The following CSTF2 variants were observed in gnomAD, a reference collection of about 807,000 sequenced individuals.
CSTF2 encodes cleavage stimulation factor subunit 2.
In CSTF2, 8 loss-of-function variants were observed where a neutral mutation model predicts 45.4. That is an observed-to-expected ratio of 0.18 (90% CI 0.10 to 0.32). The LOEUF (loss-of-function observed/expected upper bound fraction) is 0.32, where lower values mean the gene tolerates loss of function less well. Ranked by LOEUF, CSTF2 falls within the 10% of genes least tolerant of loss-of-function variation. The pLI is 1.00. For synonymous variants in CSTF2, 155 were observed against 158.9 expected (o/e 0.98, Z 0.18); for missense variants, 253 against 477.1 (o/e 0.53, Z 4.38).
intron 7 of CSTF2, 100 bp from the exon 8 acceptor site, chrX:100,827,940 T>C: frequency 1.7e-6 from 1 of 593,768 alleles, no homozygotes; most frequent in South Asian, 3.2e-5. Context: ...TTTCTGCTTG[T>C]GGAGCAGAAT....
chrX:100,833,270 G>A lies in CSTF2; in HGVS notation c.1298G>A (p.Arg433His), dbSNP rs763656181. 9.9e-6 allele frequency: 12 copies of A among 1,208,063 alleles called. No homozygotes were observed. The highest frequency in any genetic ancestry group is 4.4e-5 in the Admixed American group (2 of 45,705). ...RGLDARGLEA[R>H]AMEARAMEAR... ...TTAGATGCCAGAGGATTAGAGGCCC[G>A]TGCAATGGAGGCCCGTGCGATGGAA... Residue 433 changes from arginine to histidine, a missense_variant, in exon 11 of 14, where the codon CGT becomes CAT. Coordinates refer to ENST00000372972, the MANE Select transcript of CSTF2 (RefSeq NM_001325.3).
chrX:100,824,058 T>C, intron 5 of CSTF2, 53 bp downstream of exon 5: 1 of 1,208,604 alleles, frequency 8.3e-7, no homozygotes, highest in Non-Finnish European at 1.1e-6. Flanking sequence ...TTGAATGGGA[T>C]AGGAACTACC....
rs1317410786 is a variant in CSTF2 at position 100,831,669 on chromosome X, A to G, written c.1031+13A>G. On this transcript the variant is annotated intron_variant, in intron 9 of 13. Transcript: ENST00000372972. Reference sequence around the variant, plus strand: ...AGGTAGAGCCTAGGTAAGCACTAACATAGAAGGAAACAGTTGAAGAAATCA... The same window carrying G: ...AGGTAGAGCCTAGGTAAGCACTAACGTAGAAGGAAACAGTTGAAGAAATCA... The G allele has an allele frequency of 1.7e-6, 2 of 1,207,282 alleles. No individual in the cohort carries two copies. The highest frequency in any genetic ancestry group is 2.2e-6 in the Non-Finnish European group (2 of 891,745).
At chrX:100,838,112 C>A in intron 12 of CSTF2, 127 bp from the exon 13 acceptor site, 1 of 612,575 alleles carries the variant, frequency 1.6e-6, no homozygotes, top group Non-Finnish European at 2.3e-6. Context: ...CTTCCTTTTT[C>A]CATTTTGCTT....
At chrX:100,820,767 C>T in intron 1 of CSTF2, 1 of 433,734 alleles carries the variant, frequency 2.3e-6, no homozygotes, top group Non-Finnish European at 4.3e-6. Context: ...GTAACAGCTC[C>T]TCACTGTCCC....
chrX:100,823,461 A>T, intron 4 of CSTF2, 33 bp downstream of exon 4: 1 of 1,203,032 alleles, frequency 8.3e-7, no homozygotes, highest in Non-Finnish European at 1.1e-6. Flanking sequence ...GAATAAAGCA[A>T]ATCACATCAG....
intron 6 of CSTF2, among the ~76,000 whole-genome samples, chrX:100,826,291 C>CT (rs771545462): frequency 0.086 from 5,841 of 67,822 alleles, 885 homozygotes; most frequent in African/African-American, 0.32. Flanking sequence ...GGGTTTAGGG[C>CT]TTTTTTTTTT....
Position 100,832,837 on chromosome X carries a change from G to T in CSTF2, c.1135G>T (p.Glu379Ter). 8.3e-7 allele frequency: 1 copy of T among 1,209,601 alleles called. No individual in the cohort carries two copies. Among genetic ancestry groups the T allele is most frequent in the Non-Finnish European group, 1.1e-6 (1 of 894,336 alleles). ...TGAACTGAGGGGAGGGCCATTACCCGAGCCCAGACCTCTAATGGCAGAACC... is the reference window on the plus strand; with the variant it reads ...TGAACTGAGGGGAGGGCCATTACCCTAGCCCAGACCTCTAATGGCAGAACC... ...PHELRGGPLP[E>*]PRPLMAEPRG... is the part of the protein sequence containing the mutation. The change falls in exon 10 of 14, where the codon GAG becomes TAG. Residue 379 changes from glutamate to a stop codon, truncating the protein, a stop_gained. Transcript: ENST00000372972. LOFTEE classifies it high-confidence loss of function.
intron 6 of CSTF2, among the ~76,000 whole-genome samples, chrX:100,825,704 C>T (rs1327498466): frequency 9.0e-6 from 1 of 111,163 alleles, no homozygotes; most frequent in Non-Finnish European, 1.9e-5. Context: ...GGTTGTGTTC[C>T]GTTAAAAGTT....
At chrX:100,831,381 C>T (rs779467648) in intron 8 of CSTF2, 134 bp from the exon 9 acceptor site, 1 of 708,651 alleles carries the variant, frequency 1.4e-6, no homozygotes, top group Non-Finnish European at 2.2e-6. Flanking sequence ...TCTTGAGCTG[C>T]AAGAGGATTC....
At chrX:100,825,680 G>A (rs1274205983) in intron 6 of CSTF2, among the ~76,000 whole-genome samples, 1 of 111,465 alleles carries the variant, frequency 9.0e-6, no homozygotes, top group African/African-American at 3.3e-5. Context: ...GGCAATAAGT[G>A]AACAAGTGTG....
chrX:100,836,851 A>G (rs1282901009), intron 11 of CSTF2, among the ~76,000 whole-genome samples: 2 of 112,037 alleles, frequency 1.8e-5, no homozygotes, highest in Admixed American at 9.4e-5. Flanking sequence ...TGCCTCTCTG[A>G]CATTATGAAC....
chrX:100,821,761 T>C (rs1159679066), intron 2 of CSTF2, among the ~76,000 whole-genome samples, 156 bp downstream of exon 2: 1 of 112,476 alleles, frequency 8.9e-6, no homozygotes, highest in Non-Finnish European at 1.9e-5. Context: ...ACTATACAAT[T>C]GACATTTATT....
intron 11 of CSTF2, among the ~76,000 whole-genome samples, chrX:100,837,085 A>G (rs1173848596): frequency 6.2e-5 from 7 of 112,142 alleles, no homozygotes; most frequent in Non-Finnish European, 1.3e-4. Context: ...ATTCAGTGGT[A>G]TCCAGTTGTG....
chrX:100,831,942 T>G (rs2084977798), intron 9 of CSTF2, among the ~76,000 whole-genome samples: 1 of 112,308 alleles, frequency 8.9e-6, no homozygotes, highest in African/African-American at 3.2e-5. Flanking sequence ...ATAGGCCGGG[T>G]GCAGTGGCTG....
chrX:100,832,807 C>T lies in CSTF2; in HGVS notation c.1105C>T (p.Pro369Ser), dbSNP rs775045559. ...TGGCCATGAGAGCCGAGGACCACCC[C>T]CACATGAACTGAGGGGAGGGCCATT... ...VPGHESRGPPPHELRGGPLPE... is the reference protein window; with the variant it reads ...VPGHESRGPPSHELRGGPLPE... Residue 369 changes from proline to serine, a missense_variant, in exon 10 of 14, where the codon CCA becomes TCA. This residue lies in a region of CSTF2 where 200 missense variants were observed against 294.0 expected (regional missense o/e 0.68). Coordinates refer to ENST00000372972, the MANE Select transcript of CSTF2 (RefSeq NM_001325.3). The T allele has an allele frequency of 1.7e-6, 2 of 1,211,195 alleles. No individual in the cohort carries two copies. Among genetic ancestry groups the T allele is most frequent in the Non-Finnish European group, 2.2e-6 (2 of 895,116 alleles).
intron 13 of CSTF2, among the ~76,000 whole-genome samples, chrX:100,840,031 G>C (rs1014458597): frequency 8.9e-6 from 1 of 111,884 alleles, no homozygotes; most frequent in Non-Finnish European, 1.9e-5. Context: ...CCTTCACCCA[G>C]TGTAGTGCAA....
chrX:100,821,588 A>T lies in CSTF2; in HGVS notation c.120A>T (p.Gly40=), dbSNP rs771287903. 1 of 1,201,730 alleles carries T rather than the reference A, an allele frequency of 8.3e-7. No individual in the cohort carries two copies. The highest frequency in any genetic ancestry group is 1.1e-6 in the Non-Finnish European group (1 of 887,296). ...TGAAGGACATCTTTTCTGAGGTTGGACCTGTTGTTAGTTTCAGGTGAGATC... is the reference window on the plus strand; with the variant it reads ...TGAAGGACATCTTTTCTGAGGTTGGTCCTGTTGTTAGTTTCAGGTGAGATC... ...EQLKDIFSEV[G]PVVSFRLVYD... is the part of the protein sequence containing the mutation. The change falls in exon 2 of 14, where the codon GGA becomes GGT. Residue 40 remains glycine, a synonymous_variant. Coordinates refer to ENST00000372972, the MANE Select transcript of CSTF2 (RefSeq NM_001325.3).
intron 1 of CSTF2, 167 bp downstream of exon 1, chrX:100,820,641 C>T (rs1161377620): frequency 1.8e-6 from 1 of 556,305 alleles, no homozygotes; most frequent in East Asian, 3.6e-5. Flanking sequence ...TATTCCCATT[C>T]TGCCGAGGTC....
Sources: gnomAD v4.1 joint callset for allele counts (sites outside exome capture counted in the v4.1 genomes callset) on GRCh38, gnomAD v4.1.1 for gene constraint, gnomAD v4.1.1 regional missense constraint, MANE v1.5 for transcripts, NCBI Gene and HGNC (gene_info 2026-07-23, HGNC 2026-07-21) for gene names.